Variants in MRTFA observed in about 807,000 individuals in gnomAD.
MRTFA encodes myocardin-related transcription factor A.
A neutral mutation model predicts 83.5 loss-of-function variants in MRTFA; 20 were observed. The ratio of observed to expected loss-of-function variants is 0.24; its 90% CI spans 0.17 to 0.35. The LOEUF (loss-of-function observed/expected upper bound fraction) is 0.35. MRTFA is among the 10% of genes least tolerant of loss of function. MRTFA has a pLI of 1.00. For missense variants in MRTFA, 1,200 were observed against 1,224.7 expected (o/e 0.98, Z 0.30); for synonymous variants, 659 against 541.2 (o/e 1.22, Z -3.02).
At chr22:40,624,436 A>G (rs1258425565) in intron 1 of MRTFA, among the ~76,000 whole-genome samples, 1 of 151,922 alleles carries the variant, frequency 6.6e-6, no homozygotes, top group Non-Finnish European at 1.5e-5. Context: ...AAAAAAAAAA[A>G]AAAAAAAAGA....
At chr22:40,429,402 T>C (rs977817610) in intron 7 of MRTFA, 2 of 704,334 alleles carry the variant, frequency 2.8e-6, no homozygotes, top group Non-Finnish European at 5.3e-6. Context: ...TATGTCCCTG[T>C]TTCTTAAAGC....
chr22:40,411,426 G>A lies in MRTFA; in HGVS notation c.3060C>T (p.Gly1020=). 5 of 1,575,892 alleles carry A rather than the reference G, an allele frequency of 3.2e-6. No individual in the cohort carries two copies. Among genetic ancestry groups the A allele is most frequent in the Non-Finnish European group, 3.5e-6 (4 of 1,153,462 alleles). Reference sequence around the variant, plus strand: ...AATCCCAGTGCAGCTGCAAATCATGGCCATCGAGGAAGTCTGTGGAGAAGA... The same window carrying A: ...AATCCCAGTGCAGCTGCAAATCATGACCATCGAGGAAGTCTGTGGAGAAGA... The change falls in exon 15 of 15, where the codon GGC becomes GGT. Residue 1020 remains glycine, a synonymous_variant. Transcript: ENST00000355630.
chr22:40,486,904 TCAAGGCTGCAGTGGGC>T (rs759362299), intron 3 of MRTFA, among the ~76,000 whole-genome samples: 73 of 152,102 alleles, frequency 4.8e-4, no homozygotes, highest in Non-Finnish European at 8.2e-4. Context: ...GCCTAGGGGG[TCAAGGCTGCAGTGGGC>T]CAAGGTTGCA....
intron 4 of MRTFA, among the ~76,000 whole-genome samples, chr22:40,455,587 A>C (rs568350567): frequency 6.7e-5 from 10 of 149,826 alleles, no homozygotes; most frequent in Non-Finnish European, 7.4e-5. Context: ...CGGAGCTTGC[A>C]GTGAGCCGAG....
At chr22:40,617,359 T>C (rs1453066908) in intron 1 of MRTFA, among the ~76,000 whole-genome samples, 2 of 152,132 alleles carry the variant, frequency 1.3e-5, no homozygotes, top group African/African-American at 4.8e-5. Flanking sequence ...GGCTGAGTCT[T>C]GAGAAAATCT....
At chr22:40,553,725 C>A (rs550996122) in intron 2 of MRTFA, among the ~76,000 whole-genome samples, 2 of 152,324 alleles carry the variant, frequency 1.3e-5, no homozygotes, top group Admixed American at 1.3e-4. Context: ...AGCGCCCACA[C>A]AGAGTCCTCA....
intron 3 of MRTFA, chr22:40,521,965 C>T (rs2054876950): frequency 6.5e-6 from 1 of 152,672 alleles, no homozygotes; most frequent in Admixed American, 6.5e-5. Context: ...ATTCTCCTGC[C>T]TCAGCCTCCT....
At chr22:40,583,743 G>T (rs1397704872) in intron 2 of MRTFA, among the ~76,000 whole-genome samples, 6 of 152,122 alleles carry the variant, frequency 3.9e-5, no homozygotes, top group Non-Finnish European at 4.4e-5. Context: ...TTTCTTATGA[G>T]AATCTAATGC....
At chr22:40,585,521 TATA>T (rs1180541576) in intron 2 of MRTFA, among the ~76,000 whole-genome samples, 1 of 152,194 alleles carries the variant, frequency 6.6e-6, no homozygotes, top group African/African-American at 2.4e-5. Flanking sequence ...TATGAATGTA[TATA>T]ATACCACTGA....
At chr22:40,618,250 ATTT>A (rs1011885827) in intron 1 of MRTFA, among the ~76,000 whole-genome samples, 5 of 104,110 alleles carry the variant, frequency 4.8e-5, no homozygotes, top group Admixed American at 9.9e-5. Context: ...AATTTTTTGT[ATTT>A]TTTTTTTTTT....
chr22:40,576,953 C>T (rs902893924), intron 2 of MRTFA, among the ~76,000 whole-genome samples: 3 of 152,112 alleles, frequency 2.0e-5, no homozygotes, highest in African/African-American at 7.2e-5. Context: ...CAGTGGCTCA[C>T]GCCTGTAATC....
At chr22:40,429,521 T>G (rs2053024428) in intron 7 of MRTFA, 85 bp downstream of exon 7, 2 of 1,519,674 alleles carry the variant, frequency 1.3e-6, no homozygotes, top group African/African-American at 2.7e-5. Context: ...GTCAAGAGCC[T>G]CAGCCCAATT....
intron 3 of MRTFA, among the ~76,000 whole-genome samples, chr22:40,549,620 C>A (rs1602416356): frequency 1.3e-5 from 2 of 152,174 alleles, no homozygotes; most frequent in African/African-American, 4.8e-5. Context: ...TATTTCCTCA[C>A]TAAGCAGTAG....
intron 3 of MRTFA, among the ~76,000 whole-genome samples, chr22:40,508,727 C>A (rs561427189): frequency 6.7e-6 from 1 of 149,674 alleles, no homozygotes; most frequent in African/African-American, 2.5e-5. Flanking sequence ...AAGTAAGAGT[C>A]TGGCTTCTGG....
chr22:40,458,660 G>C (rs1228267577), intron 4 of MRTFA, among the ~76,000 whole-genome samples: 1 of 152,132 alleles, frequency 6.6e-6, no homozygotes, highest in Non-Finnish European at 1.5e-5. Flanking sequence ...TTTGATAAAA[G>C]ATATCAACCA....
chr22:40,564,205 A>G (rs933724158), intron 2 of MRTFA, among the ~76,000 whole-genome samples: 1 of 152,154 alleles, frequency 6.6e-6, no homozygotes, highest in Non-Finnish European at 1.5e-5. Flanking sequence ...AGAAATAGGG[A>G]AAAGAGGAGG....
chr22:40,491,372 G>A (rs183966725), intron 3 of MRTFA, among the ~76,000 whole-genome samples: 1 of 152,050 alleles, frequency 6.6e-6, no homozygotes, highest in Admixed American at 6.6e-5. Context: ...GACTATGAAG[G>A]AAGGCTGTTC....
intron 3 of MRTFA, among the ~76,000 whole-genome samples, chr22:40,482,354 G>GA (rs2147186881): frequency 6.6e-6 from 1 of 152,168 alleles, no homozygotes; most frequent in East Asian, 1.9e-4. Flanking sequence ...TCAAAAATCT[G>GA]AAGCTCACCA....
In MRTFA at chr22:40,429,412, C is replaced by T. The variant is rs142233949; in HGVS notation, c.601+194G>A. 548 of 717,224 alleles carry T rather than the reference C, an allele frequency of 7.6e-4. 2 individuals carry two copies. The African/African-American group carries it at 8.5e-3, about 11-fold the overall frequency. The allele number at this position is 717,224 out of a possible 1,614,324, so 44.4% of individuals were successfully genotyped here. On this transcript the variant is annotated intron_variant, in intron 7 of 14. Coordinates refer to ENST00000355630, the MANE Select transcript of MRTFA (RefSeq NM_020831.6). ...TGTTGTATGTCCCTGTTTCTTAAAG[C>T]AACAGGCACTATCCCAAGTTCATAC...
Sources: gnomAD v4.1 joint callset for allele counts (sites outside exome capture counted in the v4.1 genomes callset) on GRCh38, gnomAD v4.1.1 for gene constraint, MANE v1.5 for transcripts, NCBI Gene and HGNC (gene_info 2026-07-23, HGNC 2026-07-21) for gene names.